VEGFA: variants seen among roughly 807,000 people sequenced by gnomAD.
VEGFA encodes the protein vascular endothelial growth factor A, long form.
In VEGFA, 20 loss-of-function variants were observed where a neutral mutation model predicts 49.7. The observed-to-expected ratio is 0.40, with a 90% CI of 0.28 to 0.58. The LOEUF is 0.58. Ranked by LOEUF, VEGFA falls within the 20% of genes least tolerant of loss-of-function variation. The probability of loss-of-function intolerance (pLI) is 0.40; values close to 1 mark genes in which losing one functional copy is unlikely to be tolerated. For missense variants in VEGFA, 505 were observed against 553.5 expected (o/e 0.91, Z 0.88); for synonymous variants, 219 against 223.4 (o/e 0.98, Z 0.18).
intron 2 of VEGFA, chr6:43,776,686 GC>G (rs1765547500): frequency 6.5e-6 from 1 of 153,736 alleles, no homozygotes; most frequent in South Asian, 2.0e-4. Flanking sequence ...GGAGGGCCCA[GC>G]CCCTGTGCTG....
At position 43,770,689 on chromosome 6, in the gene VEGFA, C is replaced by A. The variant is rs757438449; in HGVS notation, c.-18C>A. 1 of 1,543,150 alleles carries A rather than the reference C, an allele frequency of 6.5e-7. No individual in the cohort carries two copies. On this transcript the variant is annotated 5_prime_UTR_variant, in exon 1 of 8. Coordinates refer to ENST00000672860, the MANE Select transcript of VEGFA (RefSeq NM_003376.6). ...GCGTGAGCCCTCCCCCTTGGGATCC[C>A]GCAGCTGACCAGTCGCGCTGACGGA...
In VEGFA at chr6:43,777,194, A is replaced by G; in HGVS notation, c.659-275A>G. 3.9e-6 allele frequency: 2 copies of G among 519,038 alleles called. No homozygotes were observed. The highest frequency in any genetic ancestry group is 3.6e-6 in the Non-Finnish European group (1 of 279,232). The allele number at this position is 519,038 out of a possible 1,614,324, so 32.2% of individuals were successfully genotyped here. On this transcript the variant is annotated intron_variant, in intron 2 of 7. Coordinates refer to ENST00000672860, the MANE Select transcript of VEGFA (RefSeq NM_003376.6). This position sits in a 1 kb window ranked among gnomAD's most constrained non-coding sequence, Gnocchi z 4.3. Reference sequence around the variant, plus strand: ...TGGCCCAGGATTCAGTTCAGCTGTCACAGTGAGGTGGCGGGATCAGATGTG... The same window carrying G: ...TGGCCCAGGATTCAGTTCAGCTGTCGCAGTGAGGTGGCGGGATCAGATGTG...
At chr6:43,780,608 C>G in intron 5 of VEGFA, 124 bp from the exon 6 acceptor site, 1 of 1,427,542 alleles carries the variant, frequency 7.0e-7, no homozygotes, top group South Asian at 1.2e-5. Context: ...CCTGACACTT[C>G]CTCCGGGAAG....
intron 1 of VEGFA, chr6:43,771,995 T>C: frequency 2.0e-6 from 2 of 984,590 alleles, no homozygotes; most frequent in Non-Finnish European, 2.4e-6. Flanking sequence ...AGCCCGGGCC[T>C]GGCCGGCCGC....
intron 1 of VEGFA, 59 bp downstream of exon 1, chr6:43,771,371 G>A: frequency 3.8e-6 from 6 of 1,564,044 alleles, no homozygotes; most frequent in Non-Finnish European, 5.2e-6. Flanking sequence ...CCCGGCTGGG[G>A]ACGTGCGTGC....
chr6:43,770,751 C>A lies in VEGFA; in HGVS notation c.45C>A (p.His15Gln). The change falls in exon 1 of 8, where the codon CAC becomes CAA. Residue 15 changes from histidine (H) to glutamine (Q), a missense_variant. Transcript: ENST00000672860. ...ACACCGCCCCCAGCCCCAGCTACCA[C>A]CTCCTCCCCGGCCGGCGGCGGACAG... 6.6e-7 allele frequency: 1 copy of A among 1,511,208 alleles called. No homozygotes were observed. The allele number at this position is 1,511,208 out of a possible 1,614,324, so 93.6% of individuals were successfully genotyped here.
In VEGFA at chr6:43,777,218, T is replaced by C. The variant is rs933693514; in HGVS notation, c.659-251T>C. 1.8e-5 allele frequency: 10 copies of C among 568,068 alleles called. No individual in the cohort carries two copies. The highest frequency in any genetic ancestry group is 2.6e-5 in the Non-Finnish European group (8 of 308,926). The allele number at this position is 568,068 out of a possible 1,614,324, so 35.2% of individuals were successfully genotyped here. ...CACAGTGAGGTGGCGGGATCAGATG[T>C]GGCAGGCCATGTCCCTTGGAACTTG... On this transcript the variant is annotated intron_variant, in intron 2 of 7. Transcript: ENST00000672860. The surrounding 1 kb of genome is among the most constrained non-coding windows in gnomAD (Gnocchi z 4.3).
At chr6:43,780,118 A>G in intron 5 of VEGFA, 1 of 208,560 alleles carries the variant, frequency 4.8e-6, no homozygotes, top group Non-Finnish European at 9.8e-6. Context: ...CTCCCAGTCC[A>G]GGTCGTGCTG....
intron 7 of VEGFA, 81 bp from the exon 8 acceptor site, chr6:43,784,460 A>G: frequency 1.4e-6 from 2 of 1,445,984 alleles, no homozygotes; most frequent in Non-Finnish European, 1.9e-6. Flanking sequence ...AGGGGCCCCC[A>G]GGAATGGGGA....
intron 4 of VEGFA, 138 bp from the exon 5 acceptor site, chr6:43,778,751 T>C: frequency 9.4e-7 from 1 of 1,063,794 alleles, no homozygotes; most frequent in Non-Finnish European, 1.4e-6. Context: ...ACAAGTTATA[T>C]ATGAAAAGAT....
At position 43,770,729 on chromosome 6, in the gene VEGFA, C is replaced by T. The variant is rs1027989270; in HGVS notation, c.23C>T (p.Thr8Ile). The T allele has an allele frequency of 2.1e-5, 32 of 1,534,556 alleles. No individual in the cohort carries two copies. Among genetic ancestry groups the T allele is most frequent in the Non-Finnish European group, 2.8e-5 (32 of 1,152,044 alleles). ...GCGCTGACGGACAGACAGACAGACA[C>T]CGCCCCCAGCCCCAGCTACCACCTC... The change falls in exon 1 of 8, where the codon ACC (threonine) becomes ATC (isoleucine). Residue 8 changes from threonine to isoleucine, a missense_variant. Physicochemically the swap from Thr to Ile is moderately conservative, Grantham distance 89 (BLOSUM62 -1). This residue lies in a region of VEGFA where 340 missense variants were observed against 321.8 expected (regional missense o/e 1.06). Transcript: ENST00000672860.
At position 43,777,364 on chromosome 6, in the gene VEGFA, T is replaced by G; in HGVS notation, c.659-105T>G. ...ACGTTAGATTTTGGAAGGACTTGCC[T>G]GATTCGGAAGCTCCAAAGAGTGGCA... On this transcript the variant is annotated intron_variant, in intron 2 of 7. Transcript: ENST00000672860. The surrounding 1 kb of genome is among the most constrained non-coding windows in gnomAD (Gnocchi z 4.3). 7.5e-7 allele frequency: 1 copy of G among 1,339,894 alleles called. No individual in the cohort carries two copies. The highest frequency in any genetic ancestry group is 1.1e-6 in the Non-Finnish European group (1 of 949,292). 83.0% of individuals were successfully genotyped at this position (1,339,894 alleles called of 1,614,324 possible). A position where few individuals can be genotyped will look rare whatever the true frequency, so the allele number is the denominator to read the frequency against.
In VEGFA at chr6:43,780,704, T is replaced by G. The variant is rs368351516; in HGVS notation, c.963-28T>G. On this transcript the variant is annotated intron_variant, in intron 5 of 7. Transcript: ENST00000672860. The stretch of plus-strand genomic sequence containing the variant: ...TACTCCCCCCACCGCCCCCGCTCTC[T>G]CTCTGTCTCTGTTTTTTTATTTTCC... 1.2e-4 allele frequency: 184 copies of G among 1,523,234 alleles called. No individual in the cohort carries two copies. In the African/African-American group the frequency reaches 2.4e-3, roughly 20 times the overall value. 94.4% of individuals were successfully genotyped at this position (1,523,234 alleles called of 1,614,324 possible). A position where few individuals can be genotyped will look rare whatever the true frequency, so the allele number is the denominator to read the frequency against.
chr6:43,774,420 T>C (rs1764632754), intron 2 of VEGFA, 28 bp downstream of exon 2: 3 of 1,613,388 alleles, frequency 1.9e-6, no homozygotes, highest in Non-Finnish European at 2.5e-6. Context: ...TTGGATGGGG[T>C]TCCCTGTCCT....
At chr6:43,772,815 G>A (rs949490825) in intron 1 of VEGFA, among the ~76,000 whole-genome samples, 1 of 152,222 alleles carries the variant, frequency 6.6e-6, no homozygotes, top group African/African-American at 2.4e-5. Flanking sequence ...TGGCACAAAG[G>A]CCTTGGCTAC....
At chr6:43,771,405 GC>G in intron 1 of VEGFA, 93 bp downstream of exon 1, 1 of 1,294,566 alleles carries the variant, frequency 7.7e-7, no homozygotes, top group Non-Finnish European at 1.0e-6. Context: ...GGGGCTCCGT[GC>G]CCCACGCGGG....
chr6:43,770,807 C>G lies in VEGFA; in HGVS notation c.101C>G (p.Pro34Arg). 2.0e-6 allele frequency: 3 copies of G among 1,509,674 alleles called. No individual in the cohort carries two copies. In the South Asian group the frequency reaches 3.8e-5, roughly 19 times the overall value. The allele number at this position is 1,509,674 out of a possible 1,614,324, so 93.5% of individuals were successfully genotyped here. ...GCGGCGGCGAGCCGCGGGCAGGGGC[C>G]GGAGCCCGCGCCCGGAGGCGGGGTG... Residue 34 changes from proline (P) to arginine (R), a missense_variant, in exon 1 of 8, where the codon CCG (proline) becomes CGG (arginine). By Grantham distance (103) the Pro-to-Arg change is moderately radical. Transcript: ENST00000672860.
chr6:43,780,913 G>A (rs2128046214), intron 6 of VEGFA, 110 bp downstream of exon 6: 1 of 1,611,116 alleles, frequency 6.2e-7, no homozygotes, highest in Non-Finnish European at 8.5e-7. Flanking sequence ...TCCTTCCCTG[G>A]CTCTCATCCT....
At chr6:43,783,424 T>C (rs983090272) in intron 7 of VEGFA, 1 of 152,362 alleles carries the variant, frequency 6.6e-6, no homozygotes, top group African/African-American at 2.4e-5. Context: ...CTTGGCCCTA[T>C]GTGAAACCAA....
Sources: allele counts gnomAD v4.1 joint callset (sites outside exome capture counted in the v4.1 genomes callset), GRCh38; gene constraint gnomAD v4.1.1; regional missense constraint gnomAD v4.1.1; non-coding constraint Gnocchi (gnomAD v3.1); transcripts MANE v1.5; gene names NCBI Gene and HGNC (gene_info 2026-07-23, HGNC 2026-07-21).